Variants in ERI2 observed in about 807,000 individuals in gnomAD.
The protein encoded by ERI2 is ERI1 exoribonuclease 2.
Under a neutral mutation model 46.8 loss-of-function variants are expected in ERI2, and 35 were observed. The ratio of observed to expected loss-of-function variants is 0.75; its 90% CI spans 0.57 to 0.99. ERI2 has a LOEUF of 0.99. Among genes scored for constraint, ERI2 ranks in the 50% least tolerant of loss-of-function variants. The probability of loss-of-function intolerance (pLI) is 0.00; values close to 1 mark genes in which losing one functional copy is unlikely to be tolerated. For missense variants in ERI2, 695 were observed against 796.2 expected, an observed-to-expected ratio of 0.87 and a Z score of 1.53; for synonymous variants, 224 against 271.0, an observed-to-expected ratio of 0.83 and a Z score of 1.70.
intron 10 of ERI2, chr16:20,781,010 G>T: frequency 6.2e-7 from 1 of 1,614,132 alleles, no homozygotes. Context: ...ATGTGATGTG[G>T]AATACCTCAG....
chr16:20,789,056 T>C (rs534756557), intron 10 of ERI2, among the ~76,000 whole-genome samples: 2 of 152,328 alleles, frequency 1.3e-5, no homozygotes, highest in South Asian at 4.1e-4. Context: ...AAGCAGAATT[T>C]TGATACTTAG....
intron 10 of ERI2, chr16:20,781,894 G>T: frequency 1.2e-6 from 1 of 808,384 alleles, no homozygotes; most frequent in Non-Finnish European, 2.0e-6. Context: ...AGTAGACACA[G>T]GATTTAGCAA....
chr16:20,789,688 T>TC (rs1177620761), intron 9 of ERI2: 20 of 531,914 alleles, frequency 3.8e-5, no homozygotes, highest in East Asian at 2.3e-4. Context: ...ATTTTTCTTT[T>TC]TTTTTTTTTT....
At chr16:20,795,587 G>A (rs1489453741), downstream of ERI2, among the ~76,000 whole-genome samples, 1 of 152,242 alleles carries the variant, frequency 6.6e-6, no homozygotes, top group Admixed American at 6.5e-5. Flanking sequence ...GCACCTAAGT[G>A]CAGGATACTT....
chr16:20,789,133 A>C (rs1438401764), intron 10 of ERI2, among the ~76,000 whole-genome samples: 1 of 152,190 alleles, frequency 6.6e-6, no homozygotes, highest in Non-Finnish European at 1.5e-5. Context: ...GAGAAATGCT[A>C]ATCTGATTTT....
At chr16:20,792,357 A>T (rs768093453), downstream of ERI2, 3 of 1,612,916 alleles carry the variant, frequency 1.9e-6, no homozygotes, top group South Asian at 1.1e-5. Flanking sequence ...GATTCATGTC[A>T]ACTTTATAAT....
Position 20,803,639 on chromosome 16 carries a change from C to T in ERI2, c.55G>A (p.Ala19Thr). Residue 19 changes from alanine to threonine, a missense_variant, in exon 2 of 9, where the codon GCG becomes ACG. Transcript: ENST00000357967. ...QLGLIRRKSI[A>T]PANGNLGRSK... ...CTTCCGAGATTTCCATTTGCTGGCG[C>T]AATTGACTTTCTCCTAATTAATCCA... The T allele has an allele frequency of 6.2e-7, 1 of 1,614,116 alleles. No individual in the cohort carries two copies. The highest frequency in any genetic ancestry group is 8.5e-7 in the Non-Finnish European group (1 of 1,180,018).
Position 20,796,532 on chromosome 16 carries a change from A to T in ERI2, c.*1192T>A, listed in dbSNP as rs1471957691. On this transcript the variant is annotated 3_prime_UTR_variant, in exon 9 of 9. Transcript: ENST00000357967. ...AACGAATATTTGCTCAGTGTTGTGGACAATTTCAAGTGTTTATTTTTACAT... is the reference window on the plus strand; with the variant it reads ...AACGAATATTTGCTCAGTGTTGTGGTCAATTTCAAGTGTTTATTTTTACAT... 6.2e-7 allele frequency: 1 copy of T among 1,600,528 alleles called. No individual in the cohort carries two copies. The highest frequency in any genetic ancestry group is 1.8e-5 in the Admixed American group (1 of 56,062).
intron 4 of ERI2, among the ~76,000 whole-genome samples, chr16:20,801,586 A>C (rs1283775210): frequency 6.6e-6 from 1 of 152,172 alleles, no homozygotes; most frequent in African/African-American, 2.4e-5. Flanking sequence ...TTTAGAACCC[A>C]CCAAGGTAAG....
At chr16:20,794,599 T>C (rs1164827757), downstream of ERI2, among the ~76,000 whole-genome samples, 1 of 152,230 alleles carries the variant, frequency 6.6e-6, no homozygotes, top group African/African-American at 2.4e-5. Context: ...TAGAATTTCA[T>C]AGAGATTTGA....
chr16:20,803,857 T>C (rs1161563027), intron 1 of ERI2, among the ~76,000 whole-genome samples, 187 bp from the exon 2 acceptor site: 3 of 152,094 alleles, frequency 2.0e-5, no homozygotes, highest in Admixed American at 2.0e-4. Context: ...GGCTAATTTG[T>C]TGGTTTTGTT....
At chr16:20,785,128 G>T in intron 10 of ERI2, 1 of 1,611,664 alleles carries the variant, frequency 6.2e-7, no homozygotes, top group East Asian at 2.2e-5. Context: ...TCACTGAAAA[G>T]ACATAGCTGG....
At chr16:20,794,787 T>C (rs1367488537), downstream of ERI2, among the ~76,000 whole-genome samples, 1 of 152,182 alleles carries the variant, frequency 6.6e-6, no homozygotes, top group Non-Finnish European at 1.5e-5. Flanking sequence ...CACAAAGAGA[T>C]TACCTAACTT....
chr16:20,790,833 A>C lies in ERI2; in HGVS notation c.815+17T>G. ...GTCCTGAATAGTAATCCAAAAGACA[A>C]GAAATTGAAGAAATACCCAAATTCT... is the stretch of plus-strand genomic sequence containing the variant. On this transcript the variant is annotated intron_variant, in intron 9 of 10. Transcript: ENST00000300005. This position sits in a 1 kb window ranked among gnomAD's most constrained non-coding sequence, Gnocchi z 4.0. 6.2e-7 allele frequency: 1 copy of C among 1,614,040 alleles called. No homozygotes were observed. The highest frequency in any genetic ancestry group is 8.5e-7 in the Non-Finnish European group (1 of 1,179,950).
chr16:20,792,532 A>G (rs1196194674), downstream of ERI2: 5 of 985,348 alleles, frequency 5.1e-6, no homozygotes, highest in Non-Finnish European at 6.0e-6. Flanking sequence ...CTAACAGACA[A>G]ACAAAATAAG....
intron 1 of ERI2, chr16:20,805,998 C>A: frequency 1.8e-6 from 2 of 1,100,148 alleles, no homozygotes; most frequent in South Asian, 4.3e-5. Flanking sequence ...AGTTTAAGTT[C>A]TATTTCTTTA....
chr16:20,785,014 G>A (rs756112490), intron 10 of ERI2: 1 of 1,613,604 alleles, frequency 6.2e-7, no homozygotes, highest in Non-Finnish European at 8.5e-7. Flanking sequence ...AGCACTGTGT[G>A]AGTGCTGGGG....
In ERI2 at chr16:20,798,087, C is replaced by G; in HGVS notation, c.1713G>C (p.Arg571Ser). 6.4e-7 allele frequency: 1 copy of G among 1,551,540 alleles called. No individual in the cohort carries two copies. The highest frequency in any genetic ancestry group is 8.7e-7 in the Non-Finnish European group (1 of 1,146,906). Reference sequence around the variant, plus strand: ...TAGAAGTTAATATAGATGGGAGACGCCTCCAGGAAGAACTTCTTACTGGGG... The same window carrying G: ...TAGAAGTTAATATAGATGGGAGACGGCTCCAGGAAGAACTTCTTACTGGGG... ...DCSPVRSSSW[R>S]RLPSILTSTV... The change falls in exon 9 of 9, where the codon AGG (arginine) becomes AGC (serine). Residue 571 changes from arginine (R) to serine (S), a missense_variant. Physicochemically the swap from Arg to Ser is moderately radical, Grantham distance 110 (BLOSUM62 -1). Coordinates refer to ENST00000357967, the MANE Select transcript of ERI2 (RefSeq NM_001142725.2).
At position 20,798,337 on chromosome 16, in the gene ERI2, T is replaced by G; in HGVS notation, c.1463A>C (p.Glu488Ala). 6.4e-7 allele frequency: 1 copy of G among 1,551,562 alleles called. No homozygotes were observed. Among genetic ancestry groups the G allele is most frequent in the East Asian group, 2.4e-5 (1 of 40,912 alleles). The change falls in exon 9 of 9, where the codon GAA becomes GCA. Residue 488 changes from glutamate (E) to alanine (A), a missense_variant. Transcript: ENST00000357967. Reference sequence around the variant, plus strand: ...AATATCTGAACCTGGATCTTTGGCTTCTTTTACATTATAAATAGTAGTGTG... The same window carrying G: ...AATATCTGAACCTGGATCTTTGGCTGCTTTTACATTATAAATAGTAGTGTG... ...SPHTTIYNVK[E>A]AKDPGSDISA...
Sources: allele counts gnomAD v4.1 joint callset (sites outside exome capture counted in the v4.1 genomes callset), GRCh38; gene constraint gnomAD v4.1.1; non-coding constraint Gnocchi (gnomAD v3.1); transcripts MANE v1.5; gene names NCBI Gene and HGNC (gene_info 2026-07-23, HGNC 2026-07-21).